The following NLRP5 variants were observed in gnomAD, a reference collection of about 807,000 sequenced individuals.
NLRP5 encodes NACHT, LRR and PYD domains-containing protein 5.
A neutral mutation model predicts 113.1 loss-of-function variants in NLRP5; 93 were observed. The observed-to-expected ratio is 0.82, with a 90% CI of 0.70 to 0.98. The LOEUF (loss-of-function observed/expected upper bound fraction) is 0.98, where lower values mean the gene tolerates loss of function less well. Ranked by LOEUF, NLRP5 falls within the 50% of genes least tolerant of loss-of-function variation. NLRP5 has a pLI of 0.00. For missense variants in NLRP5, 1,808 were observed against 1,514.3 expected (o/e 1.19, Z -3.22); for synonymous variants, 751 against 600.7 (o/e 1.25, Z -3.66).
chr19:56,043,896 C>G (rs565416693), intron 11 of NLRP5, among the ~76,000 whole-genome samples: 10 of 151,366 alleles, frequency 6.6e-5, no homozygotes, highest in South Asian at 2.1e-4. Context: ...TATTCTTTTG[C>G]TGTGCAAAAG....
intron 14 of NLRP5, among the ~76,000 whole-genome samples, chr19:56,058,933 T>C (rs1346703888): frequency 6.6e-6 from 1 of 152,132 alleles, no homozygotes; most frequent in Non-Finnish European, 1.5e-5. Context: ...AATCTTGACA[T>C]GCCGAGTGGA....
intron 3 of NLRP5, among the ~76,000 whole-genome samples, chr19:56,009,130 G>A (rs1040336507): frequency 1.3e-5 from 2 of 151,902 alleles, no homozygotes; most frequent in Non-Finnish European, 2.9e-5. Context: ...CCTGAGGTCA[G>A]GAGTTCAAGA....
At chr19:56,010,742 C>CCCAAAA (rs1555764914) in intron 3 of NLRP5, among the ~76,000 whole-genome samples, 2 of 41,284 alleles carry the variant, frequency 4.8e-5, no homozygotes, top group African/African-American at 2.1e-4. Context: ...AACTCTGTCT[C>CCCAAAA]AAAAAAAAAA....
intron 10 of NLRP5, 108 bp from the exon 11 acceptor site, chr19:56,040,814 C>T: frequency 1.1e-6 from 1 of 906,876 alleles, no homozygotes; most frequent in East Asian, 2.6e-5. Context: ...TCTGCAAGGA[C>T]ATGCCAACTA....
intron 9 of NLRP5, among the ~76,000 whole-genome samples, chr19:56,036,482 T>C (rs1490920023): frequency 6.6e-6 from 1 of 152,198 alleles, no homozygotes; most frequent in Non-Finnish European, 1.5e-5. Flanking sequence ...CGACAGACGC[T>C]TGATTCTGCG....
rs1294378698 is a variant in NLRP5 at position 56,008,824 on chromosome 19, A to G, written c.479A>G (p.Asp160Gly). 1 of 1,612,456 alleles carries G rather than the reference A, an allele frequency of 6.2e-7. No individual in the cohort carries two copies. The highest frequency in any genetic ancestry group is 1.1e-5 in the South Asian group (1 of 90,586). Residue 160 changes from aspartate (D) to glycine (G), a missense_variant, in exon 3 of 15, where the codon GAC becomes GGC. Physicochemically the swap from Asp to Gly is moderately conservative, Grantham distance 94. Transcript: ENST00000390649. ...GAAGATCCTGAAGCAACGATGACTG[A>G]CCAAGGACCAAGCAAGGAAAAAGTG...
At chr19:55,996,117 T>C (rs549546956), upstream of NLRP5, among the ~76,000 whole-genome samples, 10 of 152,342 alleles carry the variant, frequency 6.6e-5, no homozygotes, top group South Asian at 1.9e-3. Flanking sequence ...TCTCCAATTT[T>C]GATGCCCTTT....
chr19:56,050,291 A>G, intron 11 of NLRP5, 127 bp from the exon 12 acceptor site: 1 of 873,006 alleles, frequency 1.1e-6, no homozygotes, highest in Non-Finnish European at 1.7e-6. Flanking sequence ...AAAAAAAAGA[A>G]AAAAAAACAA....
At chr19:55,997,542 T>C (rs1256954827), upstream of NLRP5, among the ~76,000 whole-genome samples, 2 of 152,090 alleles carry the variant, frequency 1.3e-5, no homozygotes, top group Non-Finnish European at 2.9e-5. Flanking sequence ...TGTAAAAGTT[T>C]AAAAGGTAGC....
intron 2 of NLRP5, among the ~76,000 whole-genome samples, chr19:56,005,322 CA>C (rs1981838839): frequency 6.9e-6 from 1 of 144,710 alleles, no homozygotes; most frequent in Admixed American, 7.1e-5. Flanking sequence ...TATATACACA[CA>C]TATTTATATA....
chr19:56,027,959 T>C lies in NLRP5; in HGVS notation c.1726T>C (p.Cys576Arg). 2 of 1,613,974 alleles carry C rather than the reference T, an allele frequency of 1.2e-6. No homozygotes were observed. The highest frequency in any genetic ancestry group is 1.7e-6 in the Non-Finnish European group (2 of 1,179,872). ...GAACATCCTTCTCCCAGACAGCCAC[T>C]GTGAGGAGTACTACACCTTCTTCCA... Residue 576 changes from cysteine (C) to arginine (R), a missense_variant, in exon 7 of 15, where the codon TGT becomes CGT. Coordinates refer to ENST00000390649, the MANE Select transcript of NLRP5 (RefSeq NM_153447.4).
rs773423026 is a variant in NLRP5 at position 56,058,232 on chromosome 19, C to T, written c.3300-8C>T. On this transcript the variant is annotated splice_polypyrimidine_tract_variant and splice_region_variant and intron_variant, in intron 13 of 14. Coordinates refer to ENST00000390649, the MANE Select transcript of NLRP5 (RefSeq NM_153447.4). ...TGGGGTTATTTTCTGGGTGTCCTGA[C>T]CCTGCAGGTTGAAGGCATGTGGACT... is the stretch of plus-strand genomic sequence containing the variant. 6.2e-7 allele frequency: 1 copy of T among 1,610,222 alleles called. No homozygotes were observed. The highest frequency in any genetic ancestry group is 8.5e-7 in the Non-Finnish European group (1 of 1,177,850).
intron 6 of NLRP5, among the ~76,000 whole-genome samples, chr19:56,024,395 CATATATGT>C (rs1982737985): frequency 8.7e-6 from 1 of 114,348 alleles, no homozygotes; most frequent in South Asian, 3.0e-4. Flanking sequence ...AACATATATA[CATATATGT>C]ACATATATGT....
intron 11 of NLRP5, among the ~76,000 whole-genome samples, chr19:56,041,874 G>T (rs1202311224): frequency 1.3e-5 from 2 of 152,228 alleles, no homozygotes; most frequent in East Asian, 1.9e-4. Flanking sequence ...ACTTGAACCT[G>T]CGAGGTGGAG....
At chr19:56,036,733 G>A (rs954752995) in intron 9 of NLRP5, among the ~76,000 whole-genome samples, 26 of 152,202 alleles carry the variant, frequency 1.7e-4, no homozygotes, top group African/African-American at 5.8e-4. Context: ...GAGGCAGGTG[G>A]CTCACCTGAG....
intron 12 of NLRP5, among the ~76,000 whole-genome samples, chr19:56,052,379 C>T (rs1983965007): frequency 6.6e-6 from 1 of 152,158 alleles, no homozygotes; most frequent in African/African-American, 2.4e-5. Flanking sequence ...AGCAATTCTC[C>T]TGCCTCAGCC....
chr19:56,024,693 G>GGCTGCAGTGAGCCAAGATCACGCT (rs1982771220), intron 6 of NLRP5, among the ~76,000 whole-genome samples: 1 of 151,638 alleles, frequency 6.6e-6, no homozygotes, highest in Non-Finnish European at 1.5e-5. Flanking sequence ...GGGAGATGGA[G>GGCTGCAGTGAGCCAAGATCACGCT]GCTGCAGTGA....
chr19:56,023,711 A>T (rs1235020111), intron 6 of NLRP5, among the ~76,000 whole-genome samples: 1 of 152,194 alleles, frequency 6.6e-6, no homozygotes, highest in African/African-American at 2.4e-5. Flanking sequence ...CGTAGGTTAT[A>T]TGCAGTTATA....
In NLRP5 at chr19:56,015,779, T is replaced by A; in HGVS notation, c.546T>A (p.Ala182=). Residue 182 remains alanine (A), a synonymous_variant, in exon 4 of 15, where the codon GCT becomes GCA. Coordinates refer to ENST00000390649, the MANE Select transcript of NLRP5 (RefSeq NM_153447.4). ...CTGTGCAACAAGATAGTGCCACAGC[T>A]GCAGAGACAAAAGAACAAGGTGAAT... 6.4e-7 allele frequency: 1 copy of A among 1,572,112 alleles called. No homozygotes were observed. The highest frequency in any genetic ancestry group is 8.6e-7 in the Non-Finnish European group (1 of 1,157,292).
Sources: gnomAD v4.1 joint callset for allele counts (sites outside exome capture counted in the v4.1 genomes callset) on GRCh38, gnomAD v4.1.1 for gene constraint, MANE v1.5 for transcripts, NCBI Gene and HGNC (gene_info 2026-07-23, HGNC 2026-07-21) for gene names.